The following TRPM8 variants were observed in gnomAD, a reference collection of about 807,000 sequenced individuals.
TRPM8 encodes TRPM8 cationic channel.
Under a neutral mutation model 133.7 loss-of-function variants are expected in TRPM8, and 110 were observed. The observed-to-expected ratio is 0.82, with a 90% CI of 0.70 to 0.96. The LOEUF (loss-of-function observed/expected upper bound fraction) is 0.96, where lower values mean the gene tolerates loss of function less well. Among genes scored for constraint, TRPM8 ranks in the 40% least tolerant of loss-of-function variants. The pLI is 0.00. For missense variants in TRPM8, 1,291 were observed against 1,379.5 expected, an observed-to-expected ratio of 0.94 and a Z score of 1.02; for synonymous variants, 535 against 532.3, an observed-to-expected ratio of 1.01 and a Z score of -0.07.
At chr2:233,977,021 G>A (rs1347222827) in intron 17 of TRPM8, among the ~76,000 whole-genome samples, 5 of 152,172 alleles carry the variant, frequency 3.3e-5, no homozygotes, top group Non-Finnish European at 7.3e-5. Context: ...CCCAAGCAGG[G>A]TGTGACCTGA....
chr2:234,008,166 A>G (rs1692742592), intron 24 of TRPM8, 63 bp downstream of exon 24: 2 of 1,469,828 alleles, frequency 1.4e-6, no homozygotes, highest in Admixed American at 2.1e-5. Flanking sequence ...TTGAGCTTTC[A>G]GCTAGAGGCC....
At chr2:233,974,423 G>A (rs568871413) in intron 17 of TRPM8, among the ~76,000 whole-genome samples, 2 of 152,100 alleles carry the variant, frequency 1.3e-5, no homozygotes, top group South Asian at 2.1e-4. Flanking sequence ...TAGTAGAGAC[G>A]GGGTTTCACC....
At chr2:233,960,339 G>GGCTGGGTCATAATTGGTATCT (rs1691401813) in intron 11 of TRPM8, among the ~76,000 whole-genome samples, 1 of 152,176 alleles carries the variant, frequency 6.6e-6, no homozygotes, top group Non-Finnish European at 1.5e-5. Context: ...CAGCACTGGT[G>GGCTGGGTCATAATTGGTATCT]GCTGGGTCAT....
chr2:233,972,663 G>T (rs1425382078), intron 17 of TRPM8, among the ~76,000 whole-genome samples: 2 of 152,198 alleles, frequency 1.3e-5, no homozygotes, highest in African/African-American at 2.4e-5. Context: ...GCGCCGGTGG[G>T]CCGGCACTGC....
In TRPM8 at chr2:234,018,253, TTAAACATTATA is replaced by T. The variant is rs1693005413; in HGVS notation, c.*999_*1009del. ...TGTTTTTATTATATTCATAGCCTTC[TTAAACATTATA>T]TCAATAATTGCATAATAGGCAACCT... On this transcript the variant is annotated 3_prime_UTR_variant, in exon 26 of 26. Coordinates refer to ENST00000324695, the MANE Select transcript of TRPM8 (RefSeq NM_024080.5). 1 of 152,080 alleles carries T rather than the reference TTAAACATTATA, an allele frequency of 6.6e-6. No individual in the cohort carries two copies. Among genetic ancestry groups the T allele is most frequent in the Admixed American group, 6.5e-5 (1 of 15,268 alleles). The allele number at this position is 152,080 out of a possible 1,614,324, so 9.4% of individuals were successfully genotyped here. A position where few individuals can be genotyped will look rare whatever the true frequency, so the allele number is the denominator to read the frequency against.
At chr2:234,005,920 C>T (rs913123517) in intron 22 of TRPM8, among the ~76,000 whole-genome samples, 1 of 102,206 alleles carries the variant, frequency 9.8e-6, no homozygotes, top group African/African-American at 4.9e-5. Flanking sequence ...AAGAGCGAAA[C>T]GTCATCTACA....
At chr2:233,943,030 C>T (rs1444392259) in intron 6 of TRPM8, 3 of 426,078 alleles carry the variant, frequency 7.0e-6, no homozygotes, top group Non-Finnish European at 1.3e-5. Flanking sequence ...CTATGGCTTA[C>T]ATCCATCTCA....
intron 2 of TRPM8, among the ~76,000 whole-genome samples, chr2:233,928,564 G>A (rs780413636): frequency 1.2e-4 from 19 of 152,188 alleles, no homozygotes; most frequent in Non-Finnish European, 2.8e-4. Context: ...CTTCCTGCCT[G>A]TTAAGTAGAC....
chr2:233,937,353 G>C lies in TRPM8; in HGVS notation c.192G>C (p.Thr64=). 1 of 1,614,024 alleles carries C rather than the reference G, an allele frequency of 6.2e-7. No homozygotes were observed. The highest frequency in any genetic ancestry group is 2.2e-5 in the East Asian group (1 of 44,878). ...CVFFTKDSKA[T]ENVCKCGYAQ... is the part of the protein sequence containing the mutation. ...CTGTCCACACCATCGTGCTTATCAG[G>C]GAGAATGTGTGCAAGTGTGGCTATG... Residue 64 remains threonine, a splice_region_variant and synonymous_variant, in exon 4 of 26, where the codon ACG becomes ACC. Transcript: ENST00000324695.
chr2:233,925,519 G>C (rs572775171), intron 1 of TRPM8, among the ~76,000 whole-genome samples: 1 of 152,242 alleles, frequency 6.6e-6, no homozygotes, highest in African/African-American at 2.4e-5. Flanking sequence ...TGGACAGAAG[G>C]TGGGACCCCA....
intron 1 of TRPM8, 44 bp from the exon 2 acceptor site, chr2:233,926,489 T>C: frequency 6.9e-7 from 1 of 1,441,996 alleles, no homozygotes; most frequent in Non-Finnish European, 9.8e-7. Flanking sequence ...GAAGCCCTGT[T>C]ACTGTTTGTA....
chr2:233,969,578 T>G, intron 15 of TRPM8, 117 bp from the exon 16 acceptor site: 1 of 679,824 alleles, frequency 1.5e-6, no homozygotes, highest in Admixed American at 2.4e-5. Context: ...ATAATGACAT[T>G]AATTCAAAGA....
chr2:233,923,588 A>T (rs7602303), intron 1 of TRPM8, among the ~76,000 whole-genome samples: 15,491 of 152,220 alleles, frequency 0.1, 897 homozygotes, highest in East Asian at 0.21. Flanking sequence ...CATCTCGAGC[A>T]CATCCTCTGG....
intron 6 of TRPM8, among the ~76,000 whole-genome samples, chr2:233,945,024 C>T (rs1186721355): frequency 6.6e-6 from 1 of 152,042 alleles, no homozygotes; most frequent in Non-Finnish European, 1.5e-5. Flanking sequence ...CTATAGTATT[C>T]AGATTAATAA....
intron 9 of TRPM8, among the ~76,000 whole-genome samples, chr2:233,952,181 G>A (rs1362895334): frequency 1.3e-5 from 2 of 152,128 alleles, no homozygotes; most frequent in Admixed American, 6.5e-5. Flanking sequence ...ACTGCGTGCC[G>A]GGTTCTGAAA....
chr2:233,952,051 A>G lies in TRPM8; in HGVS notation c.1141-1866A>G, dbSNP rs142001073. Among the ~76,000 whole-genome samples, 50 of 152,180 alleles carry G rather than the reference A, an allele frequency of 3.3e-4. No individual in the cohort carries two copies. The East Asian group carries it at 6.8e-3, about 21-fold the overall frequency. ...GTTATTCCCCCATGCCTATTCCTCA[A>G]CTTCTCGAGAACTTGACTCTCCATA... is the stretch of plus-strand genomic sequence containing the variant. On this transcript the variant is annotated intron_variant, in intron 9 of 25. Transcript: ENST00000324695.
chr2:233,985,672 G>T lies in TRPM8; in HGVS notation c.2762-16G>T, dbSNP rs1006154939. ...CAGAGGGTCCTCACTTTGCCTGTTG[G>T]TTTCTACATCCTCAGGTACCACGTA... is the stretch of plus-strand genomic sequence containing the variant. On this transcript the variant is annotated splice_polypyrimidine_tract_variant and intron_variant, in intron 20 of 25. Coordinates refer to ENST00000324695, the MANE Select transcript of TRPM8 (RefSeq NM_024080.5). 1 of 1,610,800 alleles carries T rather than the reference G, an allele frequency of 6.2e-7. No homozygotes were observed. Among genetic ancestry groups the T allele is most frequent in the African/African-American group, 1.3e-5 (1 of 74,980 alleles).
intron 21 of TRPM8, 79 bp from the exon 22 acceptor site, chr2:233,996,247 A>T (rs749836800): frequency 3.5e-5 from 45 of 1,297,198 alleles, no homozygotes; most frequent in Non-Finnish European, 4.9e-5. Context: ...ATAGCTTAAT[A>T]CCACTATTAC....
chr2:233,930,267 C>T (rs10490010), intron 2 of TRPM8, among the ~76,000 whole-genome samples: 10 of 151,994 alleles, frequency 6.6e-5, no homozygotes, highest in East Asian at 1.9e-4. Context: ...CATTTATGAA[C>T]GGTTTTTGGA....
Sources: allele counts gnomAD v4.1 joint callset (sites outside exome capture counted in the v4.1 genomes callset), GRCh38; gene constraint gnomAD v4.1.1; transcripts MANE v1.5; gene names NCBI Gene and HGNC (gene_info 2026-07-23, HGNC 2026-07-21).